Variants in MAPK14 observed in about 807,000 individuals in gnomAD.
The protein encoded by MAPK14 is CSAID-binding protein.
A neutral mutation model predicts 49.6 loss-of-function variants in MAPK14; 16 were observed. The observed-to-expected ratio is 0.32, with a 90% CI of 0.22 to 0.49. The LOEUF (loss-of-function observed/expected upper bound fraction) is 0.49. Ranked by LOEUF, MAPK14 falls within the 20% of genes least tolerant of loss-of-function variation. The pLI is 0.99. For missense variants in MAPK14, 200 were observed against 441.2 expected, an observed-to-expected ratio of 0.45 and a Z score of 4.90; for synonymous variants, 142 against 158.0, an observed-to-expected ratio of 0.90 and a Z score of 0.76.
intron 1 of MAPK14, 137 bp from the exon 2 acceptor site, chr6:36,052,562 A>C: frequency 1.5e-6 from 1 of 665,838 alleles, no homozygotes; most frequent in South Asian, 3.7e-5. Context: ...ATAATAGGTC[A>C]TTTTGCTTTT....
At chr6:36,099,714 G>A (rs564584156) in intron 9 of MAPK14, among the ~76,000 whole-genome samples, 12 of 152,138 alleles carry the variant, frequency 7.9e-5, no homozygotes, top group Non-Finnish European at 1.2e-4. Flanking sequence ...GTCTTAATTC[G>A]GAGGGATGGT....
intron 6 of MAPK14, among the ~76,000 whole-genome samples, chr6:36,074,356 A>G (rs1325191717): frequency 6.6e-6 from 1 of 152,212 alleles, no homozygotes; most frequent in Admixed American, 6.5e-5. Context: ...ATAATAGTCA[A>G]ATATCAAGTA....
At chr6:36,035,503 C>T (rs1213294453) in intron 1 of MAPK14, among the ~76,000 whole-genome samples, 3 of 151,876 alleles carry the variant, frequency 2.0e-5, no homozygotes, top group African/African-American at 7.3e-5. Flanking sequence ...TCTGAATGTT[C>T]AAGTGAAAGG....
At chr6:36,046,993 G>A (rs974796706) in intron 1 of MAPK14, among the ~76,000 whole-genome samples, 2 of 152,228 alleles carry the variant, frequency 1.3e-5, no homozygotes, top group Non-Finnish European at 1.5e-5. Flanking sequence ...AGTTGAAGAA[G>A]CTGGGTCCCA....
intron 8 of MAPK14, among the ~76,000 whole-genome samples, chr6:36,091,331 A>G (rs1232843225): frequency 6.6e-6 from 1 of 152,032 alleles, no homozygotes; most frequent in African/African-American, 2.4e-5. Context: ...CTTAGGCTTA[A>G]GTTGTTCTTT....
At chr6:36,093,266 A>T (rs1271082040) in intron 8 of MAPK14, among the ~76,000 whole-genome samples, 1 of 152,164 alleles carries the variant, frequency 6.6e-6, no homozygotes, top group Non-Finnish European at 1.5e-5. Context: ...ATATTGTTTC[A>T]TGCCAGCAGA....
rs1765924526 is a variant in MAPK14, at chr6:36,110,212, T to G, written c.*1765T>G. On this transcript the variant is annotated 3_prime_UTR_variant, in exon 12 of 12. Coordinates refer to ENST00000229794, the MANE Select transcript of MAPK14 (RefSeq NM_139012.3). ...ACAGAATCTTGTATTTGGGCCAAGG[T>G]GTTTCCATTTCTCAATCAGTGCAGT... 1 of 152,092 alleles carries G rather than the reference T, an allele frequency of 6.6e-6. No individual in the cohort carries two copies. Among genetic ancestry groups the G allele is most frequent in the African/African-American group, 2.4e-5 (1 of 41,398 alleles). 9.4% of individuals were successfully genotyped at this position (152,092 alleles called of 1,614,324 possible). A position where few individuals can be genotyped will look rare whatever the true frequency, so the allele number is the denominator to read the frequency against.
At position 36,031,012 on chromosome 6, in the gene MAPK14, T is replaced by G. The variant is rs73407830; in HGVS notation, c.116+2739T>G. On this transcript the variant is annotated intron_variant, in intron 1 of 11. Coordinates refer to ENST00000229794, the MANE Select transcript of MAPK14 (RefSeq NM_139012.3). Reference sequence around the variant, plus strand: ...CTTATTCAGAGATTCAGCGTAGTTATTTGAAGTTTTTCTTTTCTTTGAGAC... The same window carrying G: ...CTTATTCAGAGATTCAGCGTAGTTAGTTGAAGTTTTTCTTTTCTTTGAGAC... Among the ~76,000 whole-genome samples, 599 of 152,362 alleles carry G rather than the reference T, an allele frequency of 3.9e-3. 4 individuals carry two copies. Among genetic ancestry groups the G allele is most frequent in the African/African-American group, 0.014 (564 of 41,594 alleles).
intron 9 of MAPK14, among the ~76,000 whole-genome samples, chr6:36,099,583 CCTT>C (rs1765562152): frequency 6.6e-6 from 1 of 152,206 alleles, no homozygotes; most frequent in African/African-American, 2.4e-5. Flanking sequence ...TAGCCTCTAA[CCTT>C]CTCCTCTTCT....
chr6:36,099,654 C>T (rs923293436), intron 9 of MAPK14, among the ~76,000 whole-genome samples: 35 of 152,206 alleles, frequency 2.3e-4, no homozygotes, highest in African/African-American at 8.4e-4. Context: ...GTACCACTAA[C>T]TAATGTCTTT....
At chr6:36,114,431 A>G (rs890330596), downstream of MAPK14, among the ~76,000 whole-genome samples, 6 of 152,198 alleles carry the variant, frequency 3.9e-5, no homozygotes, top group East Asian at 1.2e-3. Flanking sequence ...AGCCTGGCCA[A>G]CATGGCAAAA....
rs934139125 is a variant in MAPK14, at chr6:36,030,264, A to G, written c.116+1991A>G. On this transcript the variant is annotated intron_variant, in intron 1 of 11. Coordinates refer to ENST00000229794, the MANE Select transcript of MAPK14 (RefSeq NM_139012.3). ...GTGAAGTACCATTAAAATTAACTCC[A>G]CAGTTCTTTAGTGGTATACTTTTCT... Among the ~76,000 whole-genome samples the G allele has an allele frequency of 2.6e-5, 4 of 152,318 alleles. No homozygotes were observed. The South Asian group carries it at 8.3e-4, about 32-fold the overall frequency.
chr6:36,090,462 G>T (rs966581489), intron 8 of MAPK14, among the ~76,000 whole-genome samples: 5 of 150,704 alleles, frequency 3.3e-5, no homozygotes, highest in African/African-American at 4.9e-5. Flanking sequence ...GCCCGCCTTG[G>T]CCTACCAAAA....
At chr6:36,112,415 A>T (rs747247406), downstream of MAPK14, among the ~76,000 whole-genome samples, 32 of 152,240 alleles carry the variant, frequency 2.1e-4, no homozygotes, top group Non-Finnish European at 4.0e-4. Context: ...GGATAGGGGA[A>T]ACCTGAATGG....
rs976027721 is a variant in MAPK14 at position 36,059,205 on chromosome 6, T to TA, written c.247-75dup. ...GCTCCCGGCCTAGACCCTGACTCTT[T>TA]AAAAAAAAAGAAGATTAAGACCTGA... is the stretch of plus-strand genomic sequence containing the variant. On this transcript the variant is annotated intron_variant, in intron 2 of 11. Transcript: ENST00000229794. 3.5e-3 allele frequency: 2,808 copies of TA among 798,482 alleles called. 1 individual carries two copies. The highest frequency in any genetic ancestry group is 0.012 in the Middle Eastern group (30 of 2,580). 49.5% of individuals were successfully genotyped at this position (798,482 alleles called of 1,614,324 possible).
At chr6:36,049,907 G>T (rs1429891707) in intron 1 of MAPK14, among the ~76,000 whole-genome samples, 1 of 152,128 alleles carries the variant, frequency 6.6e-6, no homozygotes, top group Non-Finnish European at 1.5e-5. Flanking sequence ...ATAGATTTGG[G>T]GCTAAGCAAA....
intron 2 of MAPK14, among the ~76,000 whole-genome samples, chr6:36,054,545 T>C (rs1024982341): frequency 6.6e-6 from 1 of 152,218 alleles, no homozygotes; most frequent in Non-Finnish European, 1.5e-5. Context: ...GGTGGTCACC[T>C]AGATATCAGT....
chr6:36,095,901 CTGTT>C (rs906710101), intron 8 of MAPK14, 82 bp from the exon 9 acceptor site: 27 of 834,000 alleles, frequency 3.2e-5, no homozygotes, highest in Middle Eastern at 3.1e-4. Flanking sequence ...TCGGTGTGTT[CTGTT>C]TGTTTGTTTT....
chr6:36,084,216 C>T (rs1764883547), intron 8 of MAPK14, among the ~76,000 whole-genome samples: 1 of 152,134 alleles, frequency 6.6e-6, no homozygotes, highest in African/African-American at 2.4e-5. Context: ...AAGTTCAAAG[C>T]TAGGTAAAGT....
Sources: gnomAD v4.1 joint callset for allele counts (sites outside exome capture counted in the v4.1 genomes callset) on GRCh38, gnomAD v4.1.1 for gene constraint, MANE v1.5 for transcripts, NCBI Gene and HGNC (gene_info 2026-07-23, HGNC 2026-07-21) for gene names.